NUFIP2: variants seen among roughly 807,000 people sequenced by gnomAD.
The protein encoded by NUFIP2 is nuclear FMR1 interacting protein 2, also known as FMR1-interacting protein NUFIP2.
NUFIP2 carries 6 observed loss-of-function variants against 56.9 expected under a neutral mutation model. The observed-to-expected ratio is 0.11, with a 90% CI of 0.06 to 0.21. The LOEUF is 0.21. Ranked by LOEUF, NUFIP2 falls within the 10% of genes least tolerant of loss-of-function variation. NUFIP2 has a pLI of 1.00. For missense variants in NUFIP2, 828 were observed against 826.8 expected (o/e 1.00, Z -0.02); for synonymous variants, 321 against 298.2 (o/e 1.08, Z -0.79).
rs772606097 is a variant in NUFIP2, at chr17:29,286,830, C to G, written c.1164G>C (p.Gly388=). The G allele has an allele frequency of 1.1e-5, 17 of 1,614,028 alleles. 1 individual carries two copies. The Admixed American group carries it at 2.8e-4, about 27-fold the overall frequency. The stretch of plus-strand genomic sequence containing the variant: ...GACTTGATGATTGGGTCTGAGTTTC[C>G]CCGGTAGATGATGAAGATGATGAAG... ...TSSSSSSSST[G]ETQTQSSSRL... The change falls in exon 2 of 4, where the codon GGG becomes GGC. Residue 388 remains glycine (G), a synonymous_variant. Transcript: ENST00000225388.
chr17:29,291,055 A>AAAAAAAAGG (rs1567682927), intron 1 of NUFIP2, among the ~76,000 whole-genome samples: 1 of 149,018 alleles, frequency 6.7e-6, no homozygotes, highest in Admixed American at 6.6e-5. Context: ...AAAAAAAAAG[A>AAAAAAAAGG]AAAGAAAATC....
At chr17:29,270,391 A>G (rs2069064782) in intron 2 of NUFIP2, among the ~76,000 whole-genome samples, 1 of 151,982 alleles carries the variant, frequency 6.6e-6, no homozygotes, top group South Asian at 2.1e-4. Context: ...TCACTCCAAT[A>G]TAATTTCTTA....
intron 1 of NUFIP2, among the ~76,000 whole-genome samples, chr17:29,289,725 A>C (rs1177719751): frequency 1.3e-5 from 2 of 152,206 alleles, no homozygotes; most frequent in African/African-American, 2.4e-5. Context: ...AAATAAATTA[A>C]TGGAGAAGTC....
rs149566892 is a variant in NUFIP2 at position 29,264,964 on chromosome 17, T to C, written c.2036-373A>G. Among the ~76,000 whole-genome samples the C allele has an allele frequency of 6.3e-3, 960 of 152,314 alleles. 6 individuals are homozygous for C. The highest frequency in any genetic ancestry group is 0.014 in the Admixed American group (211 of 15,304). On this transcript the variant is annotated intron_variant, in intron 3 of 3. Coordinates refer to ENST00000225388, the MANE Select transcript of NUFIP2 (RefSeq NM_020772.3). ...ATAATCCAATATTAAAAGAAACACT[T>C]GGATTTTTCTTTTGCTGTTCCCAGC... is the stretch of plus-strand genomic sequence containing the variant.
At position 29,293,685 on chromosome 17, in the gene NUFIP2, A is replaced by C. The variant is rs563775975; in HGVS notation, c.277+98T>G. 4.6e-5 allele frequency: 60 copies of C among 1,300,270 alleles called. 1 individual carries two copies. Among genetic ancestry groups the C allele is most frequent in the African/African-American group, 3.2e-4 (21 of 66,510 alleles). The allele number at this position is 1,300,270 out of a possible 1,614,324, so 80.5% of individuals were successfully genotyped here. On this transcript the variant is annotated intron_variant, in intron 1 of 3. Coordinates refer to ENST00000225388, the MANE Select transcript of NUFIP2 (RefSeq NM_020772.3). ...AGCCGGAGGGGACACACACACACACACCCCGACCCCGTCCGCGCTTTTCGG... is the reference window on the plus strand; with the variant it reads ...AGCCGGAGGGGACACACACACACACCCCCCGACCCCGTCCGCGCTTTTCGG...
chr17:29,286,021 A>C lies in NUFIP2; in HGVS notation c.1973T>G (p.Leu658Arg). The change falls in exon 2 of 4, where the codon CTG becomes CGG. Residue 658 changes from leucine (L) to arginine (R), a missense_variant. Physicochemically the swap from Leu to Arg is moderately radical, Grantham distance 102. This residue lies in a region of NUFIP2 where 404 missense variants were observed against 380.3 expected (regional missense o/e 1.06). Coordinates refer to ENST00000225388, the MANE Select transcript of NUFIP2 (RefSeq NM_020772.3). ...AGTGTGATATACAATAGCAGCCCTCAGGTCAAAAGAACCCCAGCTATCATT... is the reference window on the plus strand; with the variant it reads ...AGTGTGATATACAATAGCAGCCCTCCGGTCAAAAGAACCCCAGCTATCATT... ...ERNDSWGSFD[L>R]RAAIVYHTKE... 1.2e-6 allele frequency: 2 copies of C among 1,613,464 alleles called. No individual in the cohort carries two copies. Among genetic ancestry groups the C allele is most frequent in the South Asian group, 2.2e-5 (2 of 91,072 alleles).
At chr17:29,282,547 CAAAA>C (rs1332481060) in intron 2 of NUFIP2, among the ~76,000 whole-genome samples, 3 of 118,572 alleles carry the variant, frequency 2.5e-5, no homozygotes, top group African/African-American at 9.3e-5. Context: ...GACCCCATCT[CAAAA>C]AAAAAAAAAA....
chr17:29,280,845 G>A (rs1174421139), intron 2 of NUFIP2, among the ~76,000 whole-genome samples: 6 of 151,756 alleles, frequency 4.0e-5, no homozygotes, highest in African/African-American at 9.7e-5. Context: ...AAAATTAGCC[G>A]GGCACGGTGG....
At chr17:29,279,158 TCA>T (rs959431526) in intron 2 of NUFIP2, among the ~76,000 whole-genome samples, 1 of 152,166 alleles carries the variant, frequency 6.6e-6, no homozygotes, top group African/African-American at 2.4e-5. Context: ...AAATACTTAT[TCA>T]CATTGTGTTT....
intron 2 of NUFIP2, among the ~76,000 whole-genome samples, chr17:29,272,275 C>G (rs1191612405): frequency 2.1e-5 from 3 of 141,634 alleles, no homozygotes; most frequent in Non-Finnish European, 4.6e-5. Flanking sequence ...GAGTCTTGCT[C>G]TGTCACCCAG....
rs778931111 is a variant in NUFIP2, at chr17:29,286,848, TGATGAA to T, written c.1140_1145del (p.Ser385_Ser386del). ...GAGTTTCCCCGGTAGATGATGAAGA[TGATGAA>T]GATGAAGTTGGTGACACAGAAGAGT... is the stretch of plus-strand genomic sequence containing the variant. On this transcript the variant is annotated inframe_deletion, in exon 2 of 4. Transcript: ENST00000225388. 6.8e-6 allele frequency: 11 copies of T among 1,614,030 alleles called. No individual in the cohort carries two copies. In the African/African-American group the frequency reaches 8.0e-5, roughly 12 times the overall value.
rs926353392 is a variant in NUFIP2 at position 29,260,290 on chromosome 17, C to T, written c.*4249G>A. 5 of 152,146 alleles carry T rather than the reference C, an allele frequency of 3.3e-5. No individual in the cohort carries two copies. Among genetic ancestry groups the T allele is most frequent in the Non-Finnish European group, 7.3e-5 (5 of 68,036 alleles). 9.4% of individuals were successfully genotyped at this position (152,146 alleles called of 1,614,324 possible). On this transcript the variant is annotated 3_prime_UTR_variant, in exon 4 of 4. Transcript: ENST00000225388. ...ACTGCCCTATCAGACTCTACCTTGA[C>T]TGGTGTGGCATCAACCAATCTGACC...
At chr17:29,266,933 C>T (rs1046057249) in intron 3 of NUFIP2, among the ~76,000 whole-genome samples, 1 of 151,382 alleles carries the variant, frequency 6.6e-6, no homozygotes, top group Non-Finnish European at 1.5e-5. Flanking sequence ...GATGGCGTTT[C>T]GCTCTTGTTG....
intron 2 of NUFIP2, among the ~76,000 whole-genome samples, chr17:29,281,939 T>C (rs1237459899): frequency 1.3e-5 from 2 of 151,810 alleles, no homozygotes; most frequent in African/African-American, 4.8e-5. Flanking sequence ...TAATTTTTTG[T>C]ATTTTTAGTA....
At chr17:29,268,715 G>A (rs1241174948) in intron 2 of NUFIP2, among the ~76,000 whole-genome samples, 1 of 151,802 alleles carries the variant, frequency 6.6e-6, no homozygotes, top group Non-Finnish European at 1.5e-5. Flanking sequence ...TTTTAGTAGA[G>A]AGGGGGTTTC....
At chr17:29,292,647 G>A (rs1456271070) in intron 1 of NUFIP2, among the ~76,000 whole-genome samples, 2 of 143,312 alleles carry the variant, frequency 1.4e-5, no homozygotes, top group Admixed American at 1.4e-4. Flanking sequence ...CGCGGCCGCC[G>A]CCCGCGGCCT....
intron 3 of NUFIP2, among the ~76,000 whole-genome samples, chr17:29,265,841 A>G (rs1386543116): frequency 6.6e-6 from 1 of 151,962 alleles, no homozygotes; most frequent in East Asian, 1.9e-4. Context: ...GTCCAGAGAT[A>G]ATATAATAAT....
Position 29,261,067 on chromosome 17 carries a change from TA to T in NUFIP2, c.*3471del, listed in dbSNP as rs907178990. The T allele has an allele frequency of 3.3e-5, 5 of 152,062 alleles. No individual in the cohort carries two copies. The highest frequency in any genetic ancestry group is 1.2e-4 in the African/African-American group (5 of 41,418). The allele number at this position is 152,062 out of a possible 1,614,324, so 9.4% of individuals were successfully genotyped here. A position where few individuals can be genotyped will look rare whatever the true frequency, so the allele number is the denominator to read the frequency against. On this transcript the variant is annotated 3_prime_UTR_variant, in exon 4 of 4. Coordinates refer to ENST00000225388, the MANE Select transcript of NUFIP2 (RefSeq NM_020772.3). ...TGGGGGTGAATAAAGAGAAAGATAATACACCCTGTGTATTTTGTGGGAAAAG... is the reference window on the plus strand; with the variant it reads ...TGGGGGTGAATAAAGAGAAAGATAATCACCCTGTGTATTTTGTGGGAAAAG...
In NUFIP2 at chr17:29,294,088, G is replaced by C. The variant is rs369412070; in HGVS notation, c.-29C>G. 2 of 1,568,416 alleles carry C rather than the reference G, an allele frequency of 1.3e-6. No homozygotes were observed. The highest frequency in any genetic ancestry group is 1.7e-6 in the Non-Finnish European group (2 of 1,155,886). On this transcript the variant is annotated 5_prime_UTR_variant, in exon 1 of 4. Coordinates refer to ENST00000225388, the MANE Select transcript of NUFIP2 (RefSeq NM_020772.3). ...AAGCGGCTGGGACTCCCTGGCTGAG[G>C]CTGCGGGCTGCTGCACCGTCAGGAT...
Sources: gnomAD v4.1 joint callset for allele counts (sites outside exome capture counted in the v4.1 genomes callset) on GRCh38, gnomAD v4.1.1 for gene constraint, gnomAD v4.1.1 regional missense constraint, MANE v1.5 for transcripts, NCBI Gene and HGNC (gene_info 2026-07-23, HGNC 2026-07-21) for gene names.